The following ARHGAP20 variants were observed in gnomAD, a reference collection of about 807,000 sequenced individuals.
The protein encoded by ARHGAP20 is rho GTPase-activating protein 20.
ARHGAP20 carries 34 observed loss-of-function variants against 73.7 expected under a neutral mutation model. The observed-to-expected ratio is 0.46, with a 90% CI of 0.35 to 0.61. The LOEUF is 0.61. ARHGAP20 is among the 20% of genes least tolerant of loss of function. The pLI, the probability that ARHGAP20 is intolerant of heterozygous loss-of-function variation, is 0.00. For synonymous variants in ARHGAP20, 523 were observed against 518.2 expected (o/e 1.01, Z -0.13); for missense variants, 1,314 against 1,420.9 (o/e 0.92, Z 1.21).
At chr11:110,640,687 T>C (rs1381509981) in intron 2 of ARHGAP20, among the ~76,000 whole-genome samples, 5 of 146,754 alleles carry the variant, frequency 3.4e-5, no homozygotes, top group East Asian at 2.0e-4. Flanking sequence ...CCAAAGAAAA[T>C]AACATGTAGT....
At chr11:110,662,273 T>C (rs1949631205) in intron 2 of ARHGAP20, among the ~76,000 whole-genome samples, 1 of 152,018 alleles carries the variant, frequency 6.6e-6, no homozygotes, top group South Asian at 2.1e-4. Context: ...CTTGTTTTAA[T>C]AGATTCAACT....
At position 110,582,421 on chromosome 11, in the gene ARHGAP20, T is replaced by C. The variant is rs1565419593; in HGVS notation, c.1620A>G (p.Ile540Met). The C allele has an allele frequency of 8.7e-6, 14 of 1,610,096 alleles. No homozygotes were observed. The highest frequency in any genetic ancestry group is 1.0e-5 in the Non-Finnish European group (12 of 1,176,468). The change falls in exon 14 of 15, where the codon ATA becomes ATG. Residue 540 changes from isoleucine to methionine, a missense_variant. Physicochemically the swap from Ile to Met is conservative, Grantham distance 10. Transcript: ENST00000683387. ...NEFTKKVSLLIQFLIENCLRI... is the reference protein window; with the variant it reads ...NEFTKKVSLLMQFLIENCLRI... ...TAAGGCAATTCTCAATCAGAAATTGTATAAGCAGGGAAACCTGTAAGAAAA... is the reference window on the plus strand; with the variant it reads ...TAAGGCAATTCTCAATCAGAAATTGCATAAGCAGGGAAACCTGTAAGAAAA...
chr11:110,594,588 A>G (rs1413483397), intron 9 of ARHGAP20, among the ~76,000 whole-genome samples: 1 of 152,128 alleles, frequency 6.6e-6, no homozygotes. Context: ...TAAGTAAAGC[A>G]GTTTCTTCCT....
chr11:110,707,473 T>A (rs867523747), intron 1 of ARHGAP20, among the ~76,000 whole-genome samples: 2 of 152,180 alleles, frequency 1.3e-5, no homozygotes, highest in African/African-American at 4.8e-5. Flanking sequence ...AGTGCCTCAG[T>A]GATGGAAAAA....
intron 9 of ARHGAP20, among the ~76,000 whole-genome samples, chr11:110,595,399 G>A (rs1464996299): frequency 6.6e-6 from 1 of 152,166 alleles, no homozygotes; most frequent in Non-Finnish European, 1.5e-5. Flanking sequence ...AAACCCCATG[G>A]TCTCAGCCCC....
chr11:110,640,196 AACTGGATTCTCTAATTTTTACCTCTC>A (rs1949050899), intron 2 of ARHGAP20, among the ~76,000 whole-genome samples: 1 of 152,136 alleles, frequency 6.6e-6, no homozygotes, highest in South Asian at 2.1e-4. Flanking sequence ...ATGAACTCCT[AACTGGATTCTCTAATTTTTACCTCTC>A]TCTTTTCTCC....
At chr11:110,641,619 C>G (rs189141220) in intron 2 of ARHGAP20, among the ~76,000 whole-genome samples, 70 of 152,052 alleles carry the variant, frequency 4.6e-4, no homozygotes, top group South Asian at 6.2e-4. Context: ...TTCTTCCCCC[C>G]CAACCCTCAG....
intron 2 of ARHGAP20, among the ~76,000 whole-genome samples, chr11:110,680,590 T>G (rs189588519): frequency 2.9e-4 from 44 of 152,226 alleles, no homozygotes; most frequent in East Asian, 2.5e-3. Context: ...AAGATACAAT[T>G]GAATCATAAC....
At chr11:110,641,356 A>G (rs1949073564) in intron 2 of ARHGAP20, among the ~76,000 whole-genome samples, 1 of 152,076 alleles carries the variant, frequency 6.6e-6, no homozygotes, top group Admixed American at 6.6e-5. Flanking sequence ...TAATTTCCTC[A>G]TAACCTTGAC....
At chr11:110,711,622 G>A in intron 1 of ARHGAP20, 1 of 1,487,466 alleles carries the variant, frequency 6.7e-7, no homozygotes, top group Admixed American at 2.2e-5. Flanking sequence ...CAGGTGAGGG[G>A]GCCGAGCCCA....
chr11:110,696,906 T>A (rs1191160288), intron 1 of ARHGAP20, among the ~76,000 whole-genome samples: 2 of 151,842 alleles, frequency 1.3e-5, no homozygotes, highest in Non-Finnish European at 2.9e-5. Context: ...AATTATTTCA[T>A]TCTTTTTTAT....
At chr11:110,585,602 CTT>C (rs1041388082) in intron 12 of ARHGAP20, among the ~76,000 whole-genome samples, 4 of 152,158 alleles carry the variant, frequency 2.6e-5, no homozygotes, top group African/African-American at 9.7e-5. Flanking sequence ...TTCTTACTCT[CTT>C]ATAATGCAGG....
chr11:110,642,266 G>T (rs563007454), intron 2 of ARHGAP20, among the ~76,000 whole-genome samples: 2 of 151,976 alleles, frequency 1.3e-5, no homozygotes, highest in Non-Finnish European at 2.9e-5. Flanking sequence ...TTTTATATTT[G>T]GATGCCTTTT....
At chr11:110,695,661 TA>T (rs1487274488) in intron 1 of ARHGAP20, among the ~76,000 whole-genome samples, 1 of 151,390 alleles carries the variant, frequency 6.6e-6, no homozygotes, top group African/African-American at 2.4e-5. Flanking sequence ...ACGACTATAA[TA>T]AAAAAAGATA....
chr11:110,636,113 C>G (rs1003780311), intron 2 of ARHGAP20, among the ~76,000 whole-genome samples: 2 of 152,108 alleles, frequency 1.3e-5, no homozygotes, highest in Admixed American at 6.6e-5. Flanking sequence ...ATGGCTTAAT[C>G]TAGGGACCTT....
At chr11:110,630,106 C>G (rs939354072) in intron 3 of ARHGAP20, among the ~76,000 whole-genome samples, 1 of 152,106 alleles carries the variant, frequency 6.6e-6, no homozygotes, top group African/African-American at 2.4e-5. Flanking sequence ...CTTTTAATTC[C>G]TCCAAGTGCT....
chr11:110,688,853 T>C (rs1186799250), intron 2 of ARHGAP20, among the ~76,000 whole-genome samples: 5 of 152,206 alleles, frequency 3.3e-5, no homozygotes, highest in Admixed American at 2.6e-4. Flanking sequence ...GTATGTCTTC[T>C]GGGGGTAGGT....
At position 110,638,678 on chromosome 11, in the gene ARHGAP20, T is replaced by G. The variant is rs573675305; in HGVS notation, c.189-7886A>C. 6.2e-4 allele frequency among the ~76,000 whole-genome samples: 94 copies of G among 152,068 alleles called. 1 individual carries two copies. Among genetic ancestry groups the G allele is most frequent in the Non-Finnish European group, 1.1e-3 (77 of 67,958 alleles). ...TGGAATACTATGCAGCCATAAAAAA[T>G]GATGAGTTCATGTCCTTTGTAGGGA... is the stretch of plus-strand genomic sequence containing the variant. On this transcript the variant is annotated intron_variant, in intron 2 of 14. Coordinates refer to ENST00000683387, the MANE Select transcript of ARHGAP20 (RefSeq NM_001384657.1).
chr11:110,701,416 C>T (rs1950449802), intron 1 of ARHGAP20, among the ~76,000 whole-genome samples: 1 of 152,096 alleles, frequency 6.6e-6, no homozygotes, highest in African/African-American at 2.4e-5. Flanking sequence ...GTCCTTTGCC[C>T]ACTTTCTGAT....
Sources: allele counts gnomAD v4.1 joint callset (sites outside exome capture counted in the v4.1 genomes callset), GRCh38; gene constraint gnomAD v4.1.1; transcripts MANE v1.5; gene names NCBI Gene and HGNC (gene_info 2026-07-23, HGNC 2026-07-21).